The following UBFD1 variants were observed in gnomAD, a reference collection of about 807,000 sequenced individuals.
The protein encoded by UBFD1 is ubiquitin domain-containing protein UBFD1.
Under a neutral mutation model 35.1 loss-of-function variants are expected in UBFD1, and 12 were observed. The ratio of observed to expected loss-of-function variants is 0.34; its 90% CI spans 0.22 to 0.55. The LOEUF is 0.55. Among genes scored for constraint, UBFD1 ranks in the 20% least tolerant of loss-of-function variants. The pLI, the probability that UBFD1 is intolerant of heterozygous loss-of-function variation, is 0.89. For missense variants in UBFD1, 337 were observed against 410.8 expected (o/e 0.82, Z 1.55); for synonymous variants, 178 against 167.6 (o/e 1.06, Z -0.48).
Position 23,562,202 on chromosome 16 carries a change from A to T in UBFD1, c.565-4A>T. 1.2e-6 allele frequency: 2 copies of T among 1,613,442 alleles called. No individual in the cohort carries two copies. On this transcript the variant is annotated splice_region_variant and splice_polypyrimidine_tract_variant and intron_variant, in intron 3 of 6. Transcript: ENST00000395878. ...TTCATTTCATTCTCTCTTCTGACTT[A>T]TAGCAACACAGGAAAGTGTTGGATA...
Position 23,557,817 on chromosome 16 carries a change from C to A in UBFD1, c.25+50C>A, listed in dbSNP as rs995655626. 6.3e-6 allele frequency: 8 copies of A among 1,274,096 alleles called. No individual in the cohort carries two copies. The African/African-American group carries it at 9.3e-5, about 15-fold the overall frequency. The allele number at this position is 1,274,096 out of a possible 1,614,324, so 78.9% of individuals were successfully genotyped here. On this transcript the variant is annotated intron_variant, in intron 1 of 6. Coordinates refer to ENST00000395878, the MANE Select transcript of UBFD1 (RefSeq NM_019116.3). ...GCCGGGCCGGGGCTGAGGTTGCGGTCGCTCCTCTGGGGGATGCGGCCCGGC... is the reference window on the plus strand; with the variant it reads ...GCCGGGCCGGGGCTGAGGTTGCGGTAGCTCCTCTGGGGGATGCGGCCCGGC...
intron 2 of UBFD1, 139 bp downstream of exon 2, chr16:23,558,418 C>T: frequency 9.1e-7 from 1 of 1,098,558 alleles, no homozygotes; most frequent in South Asian, 1.7e-5. Flanking sequence ...ACTTGGATGC[C>T]CATTACTCAG....
At chr16:23,560,007 C>T in intron 3 of UBFD1, 1 of 859,480 alleles carries the variant, frequency 1.2e-6, no homozygotes, top group Non-Finnish European at 1.7e-6. Flanking sequence ...TAGAAGTAAG[C>T]CCTCATTTTG....
intron 5 of UBFD1, chr16:23,564,420 A>G (rs978395690): frequency 2.6e-5 from 4 of 152,224 alleles, no homozygotes; most frequent in African/African-American, 9.6e-5. Flanking sequence ...CAAGTTTTGC[A>G]GAATATCTGA....
intron 3 of UBFD1, 86 bp from the exon 4 acceptor site, chr16:23,562,120 G>A: frequency 7.8e-7 from 1 of 1,280,530 alleles, no homozygotes; most frequent in South Asian, 1.3e-5. Flanking sequence ...AAACACTAAG[G>A]CTTTCTTCAT....
chr16:23,561,641 G>C (rs1238147725), intron 3 of UBFD1: 1 of 152,246 alleles, frequency 6.6e-6, no homozygotes, highest in Admixed American at 6.5e-5. Context: ...AAACTTCGGC[G>C]ATGGGCTGGG....
chr16:23,573,311 C>G lies in UBFD1; in HGVS notation c.*2721C>G, dbSNP rs1479892453. The G allele has an allele frequency of 6.6e-6, 1 of 152,200 alleles. No individual in the cohort carries two copies. The highest frequency in any genetic ancestry group is 1.5e-5 in the Non-Finnish European group (1 of 68,034). 9.4% of individuals were successfully genotyped at this position (152,200 alleles called of 1,614,324 possible). A position where few individuals can be genotyped will look rare whatever the true frequency, so the allele number is the denominator to read the frequency against. On this transcript the variant is annotated 3_prime_UTR_variant, in exon 7 of 7. Coordinates refer to ENST00000395878, the MANE Select transcript of UBFD1 (RefSeq NM_019116.3). ...GCCGTCTCTTAGACATTGGACACCT[C>G]TCAGAGCCTCCTGAGGGCTTCTTTG...
intron 3 of UBFD1, 103 bp from the exon 4 acceptor site, chr16:23,562,103 T>TGAGC: frequency 9.2e-7 from 1 of 1,086,490 alleles, no homozygotes. Flanking sequence ...TAAAAGCTTT[T>TGAGC]GAGCCAAAAC....
Position 23,557,935 on chromosome 16 carries a change from C to A in UBFD1, c.26-15C>A, listed in dbSNP as rs948542928. The stretch of plus-strand genomic sequence containing the variant: ...CCAGCCCGCGGCGAGCGCCCACCCC[C>A]TAACCCCCTTGCAGGCATGGAGGAA... On this transcript the variant is annotated splice_polypyrimidine_tract_variant and intron_variant, in intron 1 of 6. Transcript: ENST00000395878. 3 of 1,333,210 alleles carry A rather than the reference C, an allele frequency of 2.3e-6. No homozygotes were observed. The African/African-American group carries it at 4.5e-5, about 20-fold the overall frequency. The allele number at this position is 1,333,210 out of a possible 1,614,324, so 82.6% of individuals were successfully genotyped here.
rs1966113056 is a variant in UBFD1 at position 23,573,392 on chromosome 16, C to G, written c.*2802C>G. 1 of 152,326 alleles carries G rather than the reference C, an allele frequency of 6.6e-6. No individual in the cohort carries two copies. The highest frequency in any genetic ancestry group is 1.9e-4 in the East Asian group (1 of 5,184). The allele number at this position is 152,326 out of a possible 1,614,324, so 9.4% of individuals were successfully genotyped here. On this transcript the variant is annotated 3_prime_UTR_variant, in exon 7 of 7. Transcript: ENST00000395878. The stretch of plus-strand genomic sequence containing the variant: ...GCAGGTTCTGGCTCACAGACATCAT[C>G]ATGCCTTTTTTTCCCTCCCTGAGGC...
rs143763756 is a variant in UBFD1 at position 23,559,237 on chromosome 16, G to A, written c.356-231G>A. ...TGCTAGCCACCGTACTAAATGCCCCGCATTGGTCTCTTAATCCTTGAAACA... is the reference window on the plus strand; with the variant it reads ...TGCTAGCCACCGTACTAAATGCCCCACATTGGTCTCTTAATCCTTGAAACA... On this transcript the variant is annotated intron_variant, in intron 2 of 6. Transcript: ENST00000395878. The A allele has an allele frequency of 3.4e-4, 146 of 427,146 alleles. 1 individual carries two copies. The East Asian group carries it at 6.0e-3, about 18-fold the overall frequency. The allele number at this position is 427,146 out of a possible 1,614,324, so 26.5% of individuals were successfully genotyped here.
intron 5 of UBFD1, chr16:23,564,510 T>G (rs187459963): frequency 6.6e-6 from 1 of 152,348 alleles, no homozygotes; most frequent in East Asian, 1.9e-4. Flanking sequence ...CATCTTCCCT[T>G]TATCAGTAGT....
chr16:23,563,577 C>G (rs1199758851), intron 5 of UBFD1, among the ~76,000 whole-genome samples: 2 of 152,164 alleles, frequency 1.3e-5, no homozygotes, highest in African/African-American at 4.8e-5. Flanking sequence ...TTTCACTGCC[C>G]CATCTGTGTT....
chr16:23,563,249 A>G (rs993406578), intron 5 of UBFD1, among the ~76,000 whole-genome samples: 4 of 151,936 alleles, frequency 2.6e-5, no homozygotes, highest in African/African-American at 9.7e-5. Flanking sequence ...TTCATTTGTC[A>G]CCTGCCTGGC....
intron 5 of UBFD1, among the ~76,000 whole-genome samples, chr16:23,563,578 C>T (rs575911183): frequency 5.3e-5 from 8 of 152,202 alleles, no homozygotes; most frequent in East Asian, 1.9e-4. Flanking sequence ...TTCACTGCCC[C>T]ATCTGTGTTT....
intron 2 of UBFD1, 128 bp from the exon 3 acceptor site, chr16:23,559,338 CAA>C: frequency 2.6e-6 from 2 of 760,596 alleles, no homozygotes; most frequent in Non-Finnish European, 2.1e-6. Flanking sequence ...GTAAATCTCC[CAA>C]GTTCACAAAG....
intron 5 of UBFD1, 58 bp downstream of exon 5, chr16:23,562,788 C>T: frequency 1.4e-6 from 2 of 1,469,368 alleles, no homozygotes; most frequent in East Asian, 4.5e-5. Flanking sequence ...CCCAGCAGCA[C>T]TCACATTTTA....
intron 3 of UBFD1, among the ~76,000 whole-genome samples, chr16:23,560,729 T>C (rs1440175262): frequency 2.0e-5 from 3 of 152,182 alleles, no homozygotes; most frequent in African/African-American, 4.8e-5. Context: ...AGCAATATTA[T>C]CTTTATAAAA....
rs868535470 is a variant in UBFD1, at chr16:23,571,322, G to T, written c.*732G>T. ...GCAAGGAGCTCTCACACTTGCTGTG[G>T]TGTTCGTTGAGCAGCAGAGTATCTC... On this transcript the variant is annotated 3_prime_UTR_variant, in exon 7 of 7. Transcript: ENST00000395878. 2.6e-5 allele frequency: 4 copies of T among 152,810 alleles called. No homozygotes were observed. In the South Asian group the frequency reaches 6.2e-4, roughly 24 times the overall value. The allele number at this position is 152,810 out of a possible 1,614,324, so 9.5% of individuals were successfully genotyped here. A position where few individuals can be genotyped will look rare whatever the true frequency, so the allele number is the denominator to read the frequency against.
Sources: gnomAD v4.1 joint callset for allele counts (sites outside exome capture counted in the v4.1 genomes callset) on GRCh38, gnomAD v4.1.1 for gene constraint, MANE v1.5 for transcripts, NCBI Gene and HGNC (gene_info 2026-07-23, HGNC 2026-07-21) for gene names.